FRMD5: variants seen among roughly 807,000 people sequenced by gnomAD.
The protein encoded by FRMD5 is FERM domain-containing protein 5.
Under a neutral mutation model 69.0 loss-of-function variants are expected in FRMD5, and 20 were observed. The ratio of observed to expected loss-of-function variants is 0.29; its 90% CI spans 0.20 to 0.42. The LOEUF is 0.42. Ranked by LOEUF, FRMD5 falls within the 10% of genes least tolerant of loss-of-function variation. The pLI is 1.00. For synonymous variants in FRMD5, 271 were observed against 260.1 expected (o/e 1.04, Z -0.40); for missense variants, 595 against 708.6 (o/e 0.84, Z 1.82).
intron 1 of FRMD5, among the ~76,000 whole-genome samples, chr15:44,137,636 A>G (rs2077206389): frequency 6.6e-6 from 1 of 152,186 alleles, no homozygotes; most frequent in Non-Finnish European, 1.5e-5. Context: ...CCCATCTATC[A>G]TACATGCCAT....
Position 44,194,953 on chromosome 15 carries a change from C to T in FRMD5, c.102G>A (p.Gln34=). The change falls in exon 1 of 14, where the codon CAG becomes CAA. Residue 34 remains glutamine, a splice_region_variant and synonymous_variant. Coordinates refer to ENST00000417257, the MANE Select transcript of FRMD5 (RefSeq NM_032892.5). The part of the protein sequence containing the change: ...LDDSEYTCTI[Q]RDAKGQYLFD... The stretch of plus-strand genomic sequence containing the variant: ...CGGGGCGGGGCGGCGCGGCGCTGAC[C>T]TGGATGGTGCAGGTGTACTCGCTGT... 6.5e-7 allele frequency: 1 copy of T among 1,527,226 alleles called. No individual in the cohort carries two copies. The highest frequency in any genetic ancestry group is 8.8e-7 in the Non-Finnish European group (1 of 1,140,716). 94.6% of individuals were successfully genotyped at this position (1,527,226 alleles called of 1,614,324 possible).
At chr15:43,913,033 C>CAAAAAA (rs1242970072) in intron 4 of FRMD5, among the ~76,000 whole-genome samples, 1 of 87,126 alleles carries the variant, frequency 1.1e-5, no homozygotes. Context: ...AACTCCATCT[C>CAAAAAA]AAAAAAAAAA....
chr15:43,980,514 T>C (rs150094706), intron 1 of FRMD5, among the ~76,000 whole-genome samples: 125 of 152,378 alleles, frequency 8.2e-4, no homozygotes, highest in African/African-American at 2.9e-3. Context: ...TTGCCTCTGA[T>C]TTTAATGAGA....
chr15:44,010,518 C>T (rs1277056468), intron 1 of FRMD5, among the ~76,000 whole-genome samples: 2 of 151,942 alleles, frequency 1.3e-5, no homozygotes, highest in African/African-American at 4.8e-5. Flanking sequence ...CTGCTTCGGC[C>T]TCCTGAGTAG....
intron 1 of FRMD5, among the ~76,000 whole-genome samples, chr15:44,026,911 T>C (rs1264179474): frequency 6.6e-6 from 1 of 152,256 alleles, no homozygotes; most frequent in Non-Finnish European, 1.5e-5. Flanking sequence ...GTTCTTTTGC[T>C]TGCCTCTGGC....
At chr15:44,025,929 T>C (rs563398234) in intron 1 of FRMD5, among the ~76,000 whole-genome samples, 69 of 152,296 alleles carry the variant, frequency 4.5e-4, no homozygotes, top group Middle Eastern at 6.8e-3. Context: ...TTATACAGGC[T>C]CTGGCAATTA....
At chr15:43,904,586 C>T (rs1247100200) in intron 6 of FRMD5, among the ~76,000 whole-genome samples, 2 of 152,052 alleles carry the variant, frequency 1.3e-5, no homozygotes, top group East Asian at 3.9e-4. Flanking sequence ...GCCATGTTGC[C>T]CAGGCTGGTC....
At chr15:43,933,765 A>C (rs1379801228) in intron 1 of FRMD5, among the ~76,000 whole-genome samples, 1 of 152,220 alleles carries the variant, frequency 6.6e-6, no homozygotes, top group Non-Finnish European at 1.5e-5. Context: ...GCAGCTACCC[A>C]ACTCTGGCTT....
Position 43,929,272 on chromosome 15 carries a change from GCATTTTCTGTCTCAT to G in FRMD5, c.103-4978_103-4964del, listed in dbSNP as rs2089635519. On this transcript the variant is annotated intron_variant, in intron 1 of 13. Transcript: ENST00000417257. The stretch of plus-strand genomic sequence containing the variant: ...TGACCTAAACTATTTAAGGTTAATT[GCATTTTCTGTCTCAT>G]CATCGATATCCATGGGCAGGAGAGG... 3.9e-5 allele frequency among the ~76,000 whole-genome samples: 6 copies of G among 152,248 alleles called. No homozygotes were observed. In the South Asian group the frequency reaches 1.2e-3, roughly 32 times the overall value.
intron 1 of FRMD5, among the ~76,000 whole-genome samples, chr15:43,964,571 C>T (rs534345317): frequency 1.9e-4 from 29 of 151,222 alleles, no homozygotes; most frequent in Admixed American, 1.6e-3. Flanking sequence ...TGTAACAAGG[C>T]TTTTTTTTAA....
intron 1 of FRMD5, among the ~76,000 whole-genome samples, chr15:44,139,793 C>CTT (rs1284392681): frequency 6.9e-6 from 1 of 144,844 alleles, no homozygotes; most frequent in African/African-American, 2.5e-5. Flanking sequence ...TTCAAAGAAG[C>CTT]TATAATGAAT....
chr15:44,010,411 TTTTTTAGACAGAGTC>T (rs1192456504), intron 1 of FRMD5, among the ~76,000 whole-genome samples: 4 of 151,336 alleles, frequency 2.6e-5, no homozygotes, highest in African/African-American at 9.7e-5. Flanking sequence ...TTTTTTTTTT[TTTTTTAGACAGAGTC>T]TTGCTCTATC....
At chr15:44,134,573 C>G (rs892454362) in intron 1 of FRMD5, among the ~76,000 whole-genome samples, 2 of 152,104 alleles carry the variant, frequency 1.3e-5, no homozygotes, top group African/African-American at 2.4e-5. Context: ...CTCAACCTCC[C>G]GAGTAGCTGG....
At chr15:43,888,311 G>T in intron 9 of FRMD5, 45 bp from the exon 10 acceptor site, 1 of 1,392,816 alleles carries the variant, frequency 7.2e-7, no homozygotes, top group Non-Finnish European at 1.0e-6. Flanking sequence ...GGATGGAGAA[G>T]CAAAGGGTGA....
At chr15:43,897,477 C>G (rs2088939524) in intron 7 of FRMD5, among the ~76,000 whole-genome samples, 1 of 107,930 alleles carries the variant, frequency 9.3e-6, no homozygotes, top group Admixed American at 1.3e-4. Context: ...ACAAGAGTGA[C>G]ACTCCATCTC....
intron 7 of FRMD5, among the ~76,000 whole-genome samples, chr15:43,893,813 G>A (rs1333861479): frequency 6.6e-6 from 1 of 152,202 alleles, no homozygotes; most frequent in Non-Finnish European, 1.5e-5. Context: ...CAAGAACAGT[G>A]GGGCCTCTGC....
At chr15:44,134,798 G>A (rs557551979) in intron 1 of FRMD5, among the ~76,000 whole-genome samples, 4 of 152,252 alleles carry the variant, frequency 2.6e-5, no homozygotes, top group Admixed American at 6.5e-5. Flanking sequence ...TGAGAAGGTG[G>A]CATTTGAATG....
At chr15:44,005,148 A>G (rs982362077) in intron 1 of FRMD5, among the ~76,000 whole-genome samples, 1 of 152,226 alleles carries the variant, frequency 6.6e-6, no homozygotes, top group African/African-American at 2.4e-5. Flanking sequence ...GTTTAAGGAA[A>G]GAAGCCATCT....
intron 1 of FRMD5, among the ~76,000 whole-genome samples, chr15:43,987,694 C>T (rs1268781306): frequency 6.6e-6 from 1 of 152,038 alleles, no homozygotes; most frequent in African/African-American, 2.4e-5. Context: ...GGACTATAGG[C>T]ATGCATCACC....
Sources: gnomAD v4.1 joint callset for allele counts (sites outside exome capture counted in the v4.1 genomes callset) on GRCh38, gnomAD v4.1.1 for gene constraint, MANE v1.5 for transcripts, NCBI Gene and HGNC (gene_info 2026-07-23, HGNC 2026-07-21) for gene names.